The following ZNF799 variants were observed in gnomAD, a reference collection of about 807,000 sequenced individuals.
ZNF799 encodes the protein zinc finger protein 14.
Under a neutral mutation model 41.0 loss-of-function variants are expected in ZNF799, and 28 were observed. That is an observed-to-expected ratio of 0.68 (90% CI 0.51 to 0.94). The LOEUF (loss-of-function observed/expected upper bound fraction) is 0.94, where lower values mean the gene tolerates loss of function less well. ZNF799 is among the 40% of genes least tolerant of loss of function. The probability of loss-of-function intolerance (pLI) is 0.00; values close to 1 mark genes in which losing one functional copy is unlikely to be tolerated. For missense variants in ZNF799, 716 were observed against 764.3 expected, an observed-to-expected ratio of 0.94 and a Z score of 0.74; for synonymous variants, 213 against 252.9, an observed-to-expected ratio of 0.84 and a Z score of 1.50.
At chr19:12,401,521 T>G (rs1008767923), upstream of ZNF799, among the ~76,000 whole-genome samples, 3 of 147,542 alleles carry the variant, frequency 2.0e-5, no homozygotes, top group African/African-American at 5.0e-5. Flanking sequence ...TCCTGTACAC[T>G]GACTGACAAA....
At chr19:12,414,104 T>TG in the ZNF799 span, among the ~76,000 whole-genome samples, 1 of 152,136 alleles carries the variant, frequency 6.6e-6, no homozygotes, top group Non-Finnish European at 1.5e-5. Context: ...GTGGAGAAGA[T>TG]GCCCTGGGCT....
chr19:12,392,827 T>C (rs1487287922), intron 2 of ZNF799, among the ~76,000 whole-genome samples, 164 bp from the exon 3 acceptor site: 4 of 151,980 alleles, frequency 2.6e-5, no homozygotes, highest in Non-Finnish European at 4.4e-5. Flanking sequence ...TATATACATA[T>C]ATATATGAAT....
At chr19:12,410,253 GCATATATATATATATATATATATATATA>G in the ZNF799 span, among the ~76,000 whole-genome samples, 1 of 56,988 alleles carries the variant, frequency 1.8e-5, no homozygotes, top group African/African-American at 6.8e-5. Flanking sequence ...ATGTCTGTGT[GCATATATATATATATATATATATATATA>G]TATATATATA....
At chr19:12,409,167 C>T in the ZNF799 span, among the ~76,000 whole-genome samples, 5 of 151,724 alleles carry the variant, frequency 3.3e-5, no homozygotes, top group South Asian at 8.3e-4. Context: ...TTCCACCTCA[C>T]ATCATCAGGC....
the ZNF799 span, among the ~76,000 whole-genome samples, chr19:12,410,669 G>A: frequency 1.3e-5 from 2 of 151,666 alleles, no homozygotes; most frequent in East Asian, 3.9e-4. Context: ...ATAAAATCAA[G>A]AGCTAGTTCT....
chr19:12,398,926 T>C (rs149521163), intron 1 of ZNF799, among the ~76,000 whole-genome samples: 100 of 152,248 alleles, frequency 6.6e-4, no homozygotes, highest in Middle Eastern at 6.8e-3. Context: ...TTTTAAAAAA[T>C]GGAATAGAAG....
At position 12,391,100 on chromosome 19, in the gene ZNF799, G is replaced by T. The variant is rs1568500677; in HGVS notation, c.1298C>A (p.Ser433Tyr). Residue 433 changes from serine to tyrosine, a missense_variant, in exon 4 of 4, where the codon TCC (serine) becomes TAC (tyrosine). This residue lies in a region of ZNF799 where 698 missense variants were observed against 713.6 expected (regional missense o/e 0.98). Coordinates refer to ENST00000430385, the MANE Select transcript of ZNF799 (RefSeq NM_001080821.3). ...TGTTTCATGCCTTCGAAGAGAACTG[G>T]AAATACGGTAGGCTTTGCCACATTG... ...CKQCGKAYRI[S>Y]SSLRRHETTH... 3.1e-6 allele frequency: 5 copies of T among 1,614,158 alleles called. No homozygotes were observed. Among genetic ancestry groups the T allele is most frequent in the Non-Finnish European group, 2.5e-6 (3 of 1,180,012 alleles).
At chr19:12,408,203 G>A in the ZNF799 span, among the ~76,000 whole-genome samples, 7 of 151,960 alleles carry the variant, frequency 4.6e-5, no homozygotes, top group East Asian at 1.4e-3. Context: ...AATGAAACAA[G>A]TAGTATAGTA....
chr19:12,393,720 G>A (rs1265821124), intron 1 of ZNF799: 51 of 1,189,490 alleles, frequency 4.3e-5, no homozygotes, highest in Non-Finnish European at 5.3e-5. Flanking sequence ...CAGTGGGTCT[G>A]CAGTCCTTGG....
Position 12,401,238 on chromosome 19 carries a change from C to A in ZNF799, c.-168G>T. On this transcript the variant is annotated 5_prime_UTR_variant, in exon 1 of 4. Transcript: ENST00000430385. The stretch of plus-strand genomic sequence containing the variant: ...GAGAAGACGCCGCGGGCTTTTTCAA[C>A]CACACACTCCTCTGGGAAGCGCGCC... 5 of 1,448,182 alleles carry A rather than the reference C, an allele frequency of 3.5e-6. No homozygotes were observed. The allele number at this position is 1,448,182 out of a possible 1,614,324, so 89.7% of individuals were successfully genotyped here. A position where few individuals can be genotyped will look rare whatever the true frequency, so the allele number is the denominator to read the frequency against.
At chr19:12,392,512 G>T (rs2014364) in intron 3 of ZNF799, 91 bp downstream of exon 3, 1 of 1,106,836 alleles carries the variant, frequency 9.0e-7, no homozygotes, top group Non-Finnish European at 1.3e-6. Context: ...TTTAAGCTAG[G>T]CTTGTTCATT....
In ZNF799 at chr19:12,401,120, A is replaced by G. The variant is rs374987018; in HGVS notation, c.-50T>C. Reference sequence around the variant, plus strand: ...GTCCTCCGGACGGCTCCCGCTGCCAATGCGGGTTCCCGCGGGACACAGGCT... The same window carrying G: ...GTCCTCCGGACGGCTCCCGCTGCCAGTGCGGGTTCCCGCGGGACACAGGCT... On this transcript the variant is annotated 5_prime_UTR_variant, in exon 1 of 4. Coordinates refer to ENST00000430385, the MANE Select transcript of ZNF799 (RefSeq NM_001080821.3). 1.5e-4 allele frequency: 244 copies of G among 1,613,330 alleles called. 1 individual carries two copies. The African/African-American group carries it at 2.3e-3, about 15-fold the overall frequency.
At chr19:12,394,657 G>A (rs1277993731) in intron 1 of ZNF799, 2 of 985,166 alleles carry the variant, frequency 2.0e-6, no homozygotes, top group African/African-American at 3.5e-5. Context: ...AACGCCAAAG[G>A]GGAAAGAAAG....
chr19:12,406,215 C>T (rs892124050), upstream of ZNF799, among the ~76,000 whole-genome samples: 1 of 149,992 alleles, frequency 6.7e-6, no homozygotes, highest in African/African-American at 2.5e-5. Context: ...CGCGGTGGCT[C>T]ACGCCTGTAA....
At chr19:12,411,943 T>C in the ZNF799 span, among the ~76,000 whole-genome samples, 1 of 152,122 alleles carries the variant, frequency 6.6e-6, no homozygotes, top group Non-Finnish European at 1.5e-5. Context: ...CTTTGAACAC[T>C]CTCCAAGCAG....
At chr19:12,411,618 G>C in the ZNF799 span, among the ~76,000 whole-genome samples, 1 of 151,064 alleles carries the variant, frequency 6.6e-6, no homozygotes, top group Non-Finnish European at 1.5e-5. Context: ...TTTCGTTTTT[G>C]TTTTTTTTGA....
rs1174088528 is a variant in ZNF799 at position 12,392,465 on chromosome 19, T to C, written c.191+138A>G. On this transcript the variant is annotated intron_variant, in intron 3 of 3. Coordinates refer to ENST00000430385, the MANE Select transcript of ZNF799 (RefSeq NM_001080821.3). ...ACTGAACAGCTATGGAACATTTAAG[T>C]ATATATTTTGGAGAAAATTTTCTAA... 5 of 820,006 alleles carry C rather than the reference T, an allele frequency of 6.1e-6. No homozygotes were observed. In the African/African-American group the frequency reaches 8.7e-5, roughly 14 times the overall value. The allele number at this position is 820,006 out of a possible 1,614,324, so 50.8% of individuals were successfully genotyped here.
Position 12,392,656 on chromosome 19 carries a change from T to C in ZNF799, c.138A>G (p.Lys46=), listed in dbSNP as rs1382449046. The C allele has an allele frequency of 6.3e-7, 1 of 1,598,574 alleles. No individual in the cohort carries two copies. Among genetic ancestry groups the C allele is most frequent in the Admixed American group, 1.7e-5 (1 of 58,952 alleles). Residue 46 remains lysine, a synonymous_variant, in exon 3 of 4, where the codon AAA becomes AAG. Transcript: ENST00000430385. ...TIRNLDCVGM[K]WKDQNIEDQY... ...GATCTTCAATGTTCTGGTCTTTCCA[T>C]TTCATTCCTAAAAGGTATACACAGA...
chr19:12,390,952 C>T lies in ZNF799; in HGVS notation c.1446G>A (p.Gly482=). The T allele has an allele frequency of 6.2e-7, 1 of 1,614,062 alleles. No homozygotes were observed. The highest frequency in any genetic ancestry group is 8.5e-7 in the Non-Finnish European group (1 of 1,179,986). The part of the protein sequence containing the change: ...GEKPYECKEC[G]KAFSCFQYLS... ...GGTATTGGAAACAACTGAATGCTTTCCCACATTCCTTACACTCATATGGCT... is the reference window on the plus strand; with the variant it reads ...GGTATTGGAAACAACTGAATGCTTTTCCACATTCCTTACACTCATATGGCT... The change falls in exon 4 of 4, where the codon GGG becomes GGA. Residue 482 remains glycine (G), a synonymous_variant. Coordinates refer to ENST00000430385, the MANE Select transcript of ZNF799 (RefSeq NM_001080821.3).
Sources: gnomAD v4.1 joint callset for allele counts (sites outside exome capture counted in the v4.1 genomes callset) on GRCh38, gnomAD v4.1.1 for gene constraint, gnomAD v4.1.1 regional missense constraint, MANE v1.5 for transcripts, NCBI Gene and HGNC (gene_info 2026-07-23, HGNC 2026-07-21) for gene names.